The following UNC79 variants were observed in gnomAD, a reference collection of about 807,000 sequenced individuals.
UNC79 encodes the protein unc-79 subunit of NALCN channel complex.
UNC79 carries 37 observed loss-of-function variants against 283.1 expected under a neutral mutation model. The observed-to-expected ratio is 0.13, with a 90% CI of 0.10 to 0.17. UNC79 has a LOEUF of 0.17. UNC79 is among the 10% of genes least tolerant of loss of function. UNC79 has a pLI of 1.00. For missense variants in UNC79, 2,272 were observed against 3,211.1 expected, an observed-to-expected ratio of 0.71 and a Z score of 7.07; for synonymous variants, 1,107 against 1,200.2, an observed-to-expected ratio of 0.92 and a Z score of 1.61.
intron 1 of UNC79, among the ~76,000 whole-genome samples, chr14:93,338,518 T>C (rs1435333427): frequency 6.6e-6 from 1 of 152,150 alleles, no homozygotes; most frequent in African/African-American, 2.4e-5. Flanking sequence ...GAAAAAGATA[T>C]TTGTAATACA....
intron 7 of UNC79, among the ~76,000 whole-genome samples, chr14:93,520,269 A>G (rs952393813): frequency 6.6e-6 from 1 of 151,866 alleles, no homozygotes; most frequent in African/African-American, 2.4e-5. Flanking sequence ...GAAATCAGCG[A>G]TCATTCTTAT....
chr14:93,572,782 C>A, exon 16 of UNC79: 2 of 1,614,132 alleles, frequency 1.2e-6, no homozygotes, highest in East Asian at 2.2e-5. Context: ...GGATACCCCT[C>A]CTCTGTGCAG....
intron 7 of UNC79, among the ~76,000 whole-genome samples, chr14:93,497,578 G>A (rs1313912628): frequency 1.3e-5 from 2 of 152,238 alleles, no homozygotes; most frequent in Non-Finnish European, 2.9e-5. Context: ...GATGAGCAGT[G>A]AGAGTGATGC....
chr14:93,655,899 C>A (rs972092384), intron 38 of UNC79, among the ~76,000 whole-genome samples: 1 of 152,170 alleles, frequency 6.6e-6, no homozygotes, highest in African/African-American at 2.4e-5. Flanking sequence ...CACACAATTA[C>A]CTACCTGGAA....
At chr14:93,351,645 C>A (rs938578568) in intron 1 of UNC79, among the ~76,000 whole-genome samples, 1 of 151,682 alleles carries the variant, frequency 6.6e-6, no homozygotes, top group Non-Finnish European at 1.5e-5. Context: ...TGATGTTCTC[C>A]GTAGAAACAG....
chr14:93,695,216 C>A (rs2075006036), intron 47 of UNC79, among the ~76,000 whole-genome samples: 1 of 152,070 alleles, frequency 6.6e-6, no homozygotes, highest in African/African-American at 2.4e-5. Context: ...ATTCTATTAT[C>A]TTGGCCACTG....
In UNC79 at chr14:93,531,777, T is replaced by C. The variant is rs751542531; in HGVS notation, c.1094-773T>C. Among the ~76,000 whole-genome samples the C allele has an allele frequency of 6.6e-6, 1 of 152,164 alleles. No individual in the cohort carries two copies. The highest frequency in any genetic ancestry group is 1.5e-5 in the Non-Finnish European group (1 of 68,008). On this transcript the variant is annotated intron_variant, in intron 10 of 48. Transcript: ENST00000555664. The surrounding 1 kb of genome is among the most constrained non-coding windows in gnomAD (Gnocchi z 4.2). ...ATAGTATAATGGGAAGAACAGTAAA[T>C]GGGGAATTTGGAGACTTGAACTCAA...
chr14:93,639,792 T>G (rs1030337720), intron 32 of UNC79, among the ~76,000 whole-genome samples: 1 of 152,248 alleles, frequency 6.6e-6, no homozygotes, highest in Non-Finnish European at 1.5e-5. Context: ...AAATTCAGAT[T>G]GAAACACATT....
At chr14:93,439,315 C>CTTTTT (rs3059773) in intron 1 of UNC79, among the ~76,000 whole-genome samples, 1 of 151,030 alleles carries the variant, frequency 6.6e-6, no homozygotes, top group African/African-American at 2.4e-5. Context: ...TCTTGTATTT[C>CTTTTT]TAAGTAAGAT....
chr14:93,492,841 G>T (rs1308259240), intron 5 of UNC79, among the ~76,000 whole-genome samples: 1 of 152,186 alleles, frequency 6.6e-6, no homozygotes, highest in Non-Finnish European at 1.5e-5. Flanking sequence ...TGAGAATTCA[G>T]TGATGGCTTA....
At chr14:93,356,334 A>C (rs572202450) in intron 1 of UNC79, among the ~76,000 whole-genome samples, 6 of 152,072 alleles carry the variant, frequency 3.9e-5, no homozygotes, top group Non-Finnish European at 8.8e-5. Flanking sequence ...AGCCACTTCT[A>C]TTTCACTCTT....
chr14:93,672,385 G>T (rs1275901455), intron 40 of UNC79, among the ~76,000 whole-genome samples: 1 of 152,130 alleles, frequency 6.6e-6, no homozygotes, highest in South Asian at 2.1e-4. Flanking sequence ...ATTGGAGTTT[G>T]TTATGTTAAG....
At chr14:93,445,389 T>A (rs930976033) in intron 1 of UNC79, among the ~76,000 whole-genome samples, 8 of 152,192 alleles carry the variant, frequency 5.3e-5, no homozygotes, top group African/African-American at 1.9e-4. Flanking sequence ...GTTCTTGACC[T>A]TAGGTGGAAA....
intron 39 of UNC79, among the ~76,000 whole-genome samples, chr14:93,662,050 A>G (rs2071654056): frequency 6.6e-6 from 1 of 152,238 alleles, no homozygotes; most frequent in Non-Finnish European, 1.5e-5. Flanking sequence ...AGCATATGGA[A>G]CTAAAACTGA....
chr14:93,483,196 G>A (rs192949107), intron 4 of UNC79, among the ~76,000 whole-genome samples: 8 of 152,222 alleles, frequency 5.3e-5, no homozygotes, highest in Admixed American at 3.9e-4. Flanking sequence ...ACCTTCCATC[G>A]CTTTCTCTTT....
chr14:93,579,650 G>A (rs1382356621), intron 18 of UNC79, among the ~76,000 whole-genome samples: 1 of 152,124 alleles, frequency 6.6e-6, no homozygotes, highest in Non-Finnish European at 1.5e-5. Context: ...TGTTCTTTTG[G>A]CACATCCACA....
At position 93,688,802 on chromosome 14, in the gene UNC79, G is replaced by A. The variant is rs759526128; in HGVS notation, c.7047G>A (p.Leu2349=). The change falls in exon 44 of 49, where the codon CTG becomes CTA. Residue 2349 remains leucine, a synonymous_variant. Transcript: ENST00000555664. The surrounding 1 kb of genome is among the most constrained non-coding windows in gnomAD (Gnocchi z 4.0). ...ATAACAAAGCTGTGATCCGCTATCT[G>A]CCTTGGCTTTATCATCCCCCCTCTG... The A allele has an allele frequency of 6.2e-7, 1 of 1,613,960 alleles. No homozygotes were observed. Among genetic ancestry groups the A allele is most frequent in the Non-Finnish European group, 8.5e-7 (1 of 1,179,982 alleles).
At chr14:93,563,226 A>C (rs1393517875) in intron 14 of UNC79, among the ~76,000 whole-genome samples, 1 of 152,186 alleles carries the variant, frequency 6.6e-6, no homozygotes, top group Non-Finnish European at 1.5e-5. Flanking sequence ...AACTGCCATG[A>C]GGGACAGAAG....
chr14:93,562,978 G>T (rs1392591864), intron 14 of UNC79, among the ~76,000 whole-genome samples: 2 of 152,184 alleles, frequency 1.3e-5, no homozygotes, highest in Non-Finnish European at 2.9e-5. Flanking sequence ...ACTGGGAAGT[G>T]ATTTCCTTGA....
Sources: gnomAD v4.1 joint callset for allele counts (sites outside exome capture counted in the v4.1 genomes callset) on GRCh38, gnomAD v4.1.1 for gene constraint, Gnocchi (gnomAD v3.1) non-coding constraint, MANE v1.5 for transcripts, NCBI Gene and HGNC (gene_info 2026-07-23, HGNC 2026-07-21) for gene names.